The following ARHGAP24 variants were observed in gnomAD, a reference collection of about 807,000 sequenced individuals.
ARHGAP24 encodes Rho GTPase activating protein 24, also known as rho GTPase-activating protein 24.
Under a neutral mutation model 76.4 loss-of-function variants are expected in ARHGAP24, and 50 were observed. The observed-to-expected ratio is 0.65, with a 90% CI of 0.52 to 0.83. The LOEUF (loss-of-function observed/expected upper bound fraction) is 0.83, where lower values mean the gene tolerates loss of function less well. ARHGAP24 is among the 40% of genes least tolerant of loss of function. The pLI is 0.00. For synonymous variants in ARHGAP24, 345 were observed against 323.3 expected (o/e 1.07, Z -0.72); for missense variants, 930 against 914.2 (o/e 1.02, Z -0.22).
chr4:85,817,238 T>C (rs1560649004), intron 3 of ARHGAP24, among the ~76,000 whole-genome samples: 1 of 152,230 alleles, frequency 6.6e-6, no homozygotes, highest in East Asian at 1.9e-4. Flanking sequence ...ATTGTTTCAT[T>C]TGCTACAGGG....
At chr4:85,555,977 C>T (rs1298854781) in intron 1 of ARHGAP24, among the ~76,000 whole-genome samples, 2 of 152,138 alleles carry the variant, frequency 1.3e-5, no homozygotes, top group African/African-American at 4.8e-5. Flanking sequence ...CTGAGGGCAG[C>T]AAGGACAGTA....
intron 5 of ARHGAP24, among the ~76,000 whole-genome samples, chr4:85,969,400 T>TTGA (rs1281650496): frequency 1.3e-5 from 2 of 152,146 alleles, no homozygotes; most frequent in Non-Finnish European, 2.9e-5. Context: ...TCATAAATAT[T>TTGA]TGATAGCTTC....
chr4:85,619,009 C>G lies in ARHGAP24; in HGVS notation c.180+48288C>G, dbSNP rs532274340. Among the ~76,000 whole-genome samples, 34 of 152,110 alleles carry G rather than the reference C, an allele frequency of 2.2e-4. No individual in the cohort carries two copies. In the South Asian group the frequency reaches 6.2e-3, roughly 28 times the overall value. On this transcript the variant is annotated intron_variant, in intron 2 of 9. Transcript: ENST00000395184. Reference sequence around the variant, plus strand: ...GTCTATTTTAGCTTCCCTGCCTGTGCTTTTGATGTCATATCTAAAAAGTTT... The same window carrying G: ...GTCTATTTTAGCTTCCCTGCCTGTGGTTTTGATGTCATATCTAAAAAGTTT...
At chr4:85,488,219 C>A (rs1377899481) in intron 1 of ARHGAP24, among the ~76,000 whole-genome samples, 1 of 151,458 alleles carries the variant, frequency 6.6e-6, no homozygotes, top group Non-Finnish European at 1.5e-5. Context: ...CTGCTCCCTC[C>A]GACTTTTTTT....
intron 1 of ARHGAP24, among the ~76,000 whole-genome samples, chr4:85,544,134 C>T (rs57355790): frequency 0.028 from 4,303 of 152,244 alleles, 204 homozygotes; most frequent in African/African-American, 0.098. Context: ...CCATAAGGGG[C>T]CCACCTGTCA....
Position 85,995,259 on chromosome 4 carries a change from C to G in ARHGAP24, c.1605C>G (p.Val535=), listed in dbSNP as rs375818527. ...ACAGACTGTCCACCTATGATAATGT[C>G]CATCAACAGTTCTCCATGATGAACC... The part of the protein sequence containing the change: ...QHNRLSTYDN[V]HQQFSMMNLD... The change falls in exon 9 of 10, where the codon GTC becomes GTG. Residue 535 remains valine, a synonymous_variant. Transcript: ENST00000395184. The G allele has an allele frequency of 6.2e-6, 10 of 1,614,024 alleles. No individual in the cohort carries two copies. Among genetic ancestry groups the G allele is most frequent in the Non-Finnish European group, 1.7e-6 (2 of 1,180,032 alleles).
At chr4:85,671,022 A>G (rs115258909) in intron 2 of ARHGAP24, among the ~76,000 whole-genome samples, 1,810 of 152,322 alleles carry the variant, frequency 0.012, 45 homozygotes, top group African/African-American at 0.041. Context: ...TCAATTGAGC[A>G]CAACTGACCT....
chr4:85,544,073 C>A (rs973632052), intron 1 of ARHGAP24, among the ~76,000 whole-genome samples: 1 of 152,202 alleles, frequency 6.6e-6, no homozygotes. Flanking sequence ...CACTGCCAGC[C>A]TTTTGCCTCT....
intron 3 of ARHGAP24, among the ~76,000 whole-genome samples, chr4:85,804,116 T>C (rs980029386): frequency 1.3e-5 from 2 of 152,056 alleles, no homozygotes; most frequent in African/African-American, 2.4e-5. Context: ...ACCTTTTGTA[T>C]TGACAAATTC....
intron 2 of ARHGAP24, among the ~76,000 whole-genome samples, chr4:85,706,099 A>G (rs938993002): frequency 4.6e-5 from 7 of 152,214 alleles, no homozygotes; most frequent in Non-Finnish European, 1.0e-4. Flanking sequence ...GGTGACCACT[A>G]TGAAGTGATC....
At chr4:85,872,299 T>C (rs1020244046) in intron 3 of ARHGAP24, among the ~76,000 whole-genome samples, 4 of 151,896 alleles carry the variant, frequency 2.6e-5, no homozygotes. Context: ...TAAAACACTT[T>C]ATTTTTTTTT....
chr4:85,845,398 C>T (rs1218473803), intron 3 of ARHGAP24, among the ~76,000 whole-genome samples: 1 of 152,134 alleles, frequency 6.6e-6, no homozygotes, highest in Admixed American at 6.5e-5. Context: ...GATTAAGGCG[C>T]TTGTTCAAAG....
At position 85,544,709 on chromosome 4, in the gene ARHGAP24, T is replaced by TAC. The variant is rs199886009; in HGVS notation, c.-20-25809_-20-25808dup. 4.9e-4 allele frequency among the ~76,000 whole-genome samples: 74 copies of TAC among 152,206 alleles called. 1 individual carries two copies. In the East Asian group the frequency reaches 0.012, roughly 25 times the overall value. On this transcript the variant is annotated intron_variant, in intron 1 of 9. Coordinates refer to ENST00000395184, the MANE Select transcript of ARHGAP24 (RefSeq NM_001025616.3). Reference sequence around the variant, plus strand: ...ATATATACACACATACATATATATATACACATACATATATGTAAATTTTTT... The same window carrying TAC: ...ATATATACACACATACATATATATATACACACATACATATATGTAAATTTTTT...
chr4:85,665,478 T>C (rs1017584440), intron 2 of ARHGAP24, among the ~76,000 whole-genome samples: 1 of 152,190 alleles, frequency 6.6e-6, no homozygotes, highest in African/African-American at 2.4e-5. Flanking sequence ...AATTTGCCAG[T>C]CTGTGTCTTT....
chr4:85,705,256 T>G (rs1051488461), intron 2 of ARHGAP24, among the ~76,000 whole-genome samples: 1 of 152,080 alleles, frequency 6.6e-6, no homozygotes, highest in African/African-American at 2.4e-5. Context: ...TATTTAAAAA[T>G]TATTTATAAA....
intron 3 of ARHGAP24, among the ~76,000 whole-genome samples, chr4:85,781,739 A>C (rs895543712): frequency 2.0e-5 from 3 of 152,068 alleles, no homozygotes; most frequent in South Asian, 2.1e-4. Flanking sequence ...ACTTTGTCTA[A>C]AACAATTCTC....
intron 3 of ARHGAP24, among the ~76,000 whole-genome samples, chr4:85,787,412 A>G (rs926554404): frequency 6.6e-6 from 1 of 152,138 alleles, no homozygotes; most frequent in African/African-American, 2.4e-5. Flanking sequence ...CAATGCTGAC[A>G]TTTGAGAGAT....
chr4:85,580,546 A>T (rs1727565715), intron 2 of ARHGAP24, among the ~76,000 whole-genome samples: 1 of 152,100 alleles, frequency 6.6e-6, no homozygotes, highest in Non-Finnish European at 1.5e-5. Flanking sequence ...GCCATGACAA[A>T]TATGGTATTG....
intron 1 of ARHGAP24, among the ~76,000 whole-genome samples, chr4:85,480,084 C>T (rs1481033015): frequency 6.6e-6 from 1 of 152,098 alleles, no homozygotes; most frequent in Non-Finnish European, 1.5e-5. Context: ...AATCACATTA[C>T]AATACTTTTT....
Sources: allele counts gnomAD v4.1 joint callset (sites outside exome capture counted in the v4.1 genomes callset), GRCh38; gene constraint gnomAD v4.1.1; transcripts MANE v1.5; gene names NCBI Gene and HGNC (gene_info 2026-07-23, HGNC 2026-07-21).